MRC1: variants seen among roughly 807,000 people sequenced by gnomAD.
MRC1 encodes the protein macrophage mannose receptor 1.
A neutral mutation model predicts 102.9 loss-of-function variants in MRC1; 62 were observed. The observed-to-expected ratio is 0.60, with a 90% confidence interval of 0.49 to 0.74. The LOEUF is 0.74. MRC1 is among the 30% of genes least tolerant of loss of function. MRC1 has a pLI of 0.00. For missense variants in MRC1, 1,237 were observed against 862.8 expected (o/e 1.43, Z -5.43); for synonymous variants, 457 against 298.4 (o/e 1.53, Z -5.48).
intron 2 of MRC1, 75 bp from the exon 3 acceptor site, chr10:17,827,467 G>A: frequency 1.5e-6 from 1 of 680,952 alleles, no homozygotes; most frequent in Admixed American, 1.8e-5. Flanking sequence ...AATTCCTTCA[G>A]TAGGCTTCTT....
In MRC1 at chr10:17,873,851, T is replaced by C. The variant is rs1473820297; in HGVS notation, c.2386+26T>C. 1.7e-5 allele frequency: 15 copies of C among 871,958 alleles called. No individual in the cohort carries two copies. The Admixed American group carries it at 2.5e-4, about 15-fold the overall frequency. The allele number at this position is 871,958 out of a possible 1,614,324, so 54.0% of individuals were successfully genotyped here. A position where few individuals can be genotyped will look rare whatever the true frequency, so the allele number is the denominator to read the frequency against. On this transcript the variant is annotated intron_variant, in intron 16 of 29. Transcript: ENST00000569591. ...GTAGGTGTTTTCTTATTTTCTGATC[T>C]CTGTACTGATAACCCTTTCTCCGCC...
chr10:17,894,315 A>C lies in MRC1; in HGVS notation c.3250+3A>C, dbSNP rs1833721621. On this transcript the variant is annotated splice_donor_region_variant and intron_variant, in intron 23 of 29. Coordinates refer to ENST00000569591, the MANE Select transcript of MRC1 (RefSeq NM_002438.4). Reference sequence around the variant, plus strand: ...CTACATATGCCAGACACGATCCGGTAAGTTCTACCAAACCTTACCTTCCTG... The same window carrying C: ...CTACATATGCCAGACACGATCCGGTCAGTTCTACCAAACCTTACCTTCCTG... 1.1e-6 allele frequency: 1 copy of C among 872,166 alleles called. No homozygotes were observed. The highest frequency in any genetic ancestry group is 2.0e-6 in the Non-Finnish European group (1 of 501,354). The allele number at this position is 872,166 out of a possible 1,614,324, so 54.0% of individuals were successfully genotyped here.
At chr10:17,877,188 T>A (rs1833448260) in intron 17 of MRC1, among the ~76,000 whole-genome samples, 1 of 148,796 alleles carries the variant, frequency 6.7e-6, no homozygotes, top group South Asian at 2.1e-4. Flanking sequence ...ACACATGTTC[T>A]CCCAAGTTTG....
At chr10:17,879,517 C>G (rs1382631033) in intron 18 of MRC1, among the ~76,000 whole-genome samples, 2 of 152,152 alleles carry the variant, frequency 1.3e-5, no homozygotes, top group African/African-American at 2.4e-5. Context: ...CCATGCCTGG[C>G]TAATTTTTTT....
chr10:17,854,021 G>T (rs1326184683), intron 8 of MRC1, among the ~76,000 whole-genome samples: 3 of 152,148 alleles, frequency 2.0e-5, no homozygotes, highest in Non-Finnish European at 4.4e-5. Flanking sequence ...AGGCTGCAGT[G>T]CAGTGGTGCA....
At chr10:17,852,570 G>T (rs898127942) in intron 7 of MRC1, among the ~76,000 whole-genome samples, 1 of 152,076 alleles carries the variant, frequency 6.6e-6, no homozygotes, top group African/African-American at 2.4e-5. Context: ...ATATAAATAG[G>T]CTACCATCAA....
chr10:17,838,353 G>A (rs375459173), intron 4 of MRC1, among the ~76,000 whole-genome samples: 80,672 of 151,920 alleles, frequency 0.53, 23,971 homozygotes, highest in African/African-American at 0.82. Flanking sequence ...CTGTTTTATC[G>A]TCTTCCCTTC....
chr10:17,887,242 T>C (rs1176264147), intron 22 of MRC1, among the ~76,000 whole-genome samples: 1 of 152,006 alleles, frequency 6.6e-6, no homozygotes, highest in African/African-American at 2.4e-5. Flanking sequence ...ACAAAAAAAA[T>C]TAGCCGGGCG....
chr10:17,878,744 C>T (rs982159820), intron 18 of MRC1, among the ~76,000 whole-genome samples: 2 of 152,008 alleles, frequency 1.3e-5, no homozygotes, highest in Admixed American at 1.3e-4. Flanking sequence ...CTCACTACAG[C>T]CTCGAAATCC....
chr10:17,858,238 A>G (rs974246885), intron 9 of MRC1, among the ~76,000 whole-genome samples: 2 of 151,792 alleles, frequency 1.3e-5, no homozygotes, highest in Non-Finnish European at 2.9e-5. Context: ...AGCGGTTTAT[A>G]TATTATTTTA....
Position 17,856,277 on chromosome 10 carries a change from T to C in MRC1, c.1443T>C (p.Pro481=), listed in dbSNP as rs1833091202. ...GGGCAGATCGGGGCTGTGAGTGGCC[T>C]CTTGGCTACATCTGCAAGATGAAAT... ...GYWADRGCEW[P]LGYICKMKSR... Residue 481 remains proline (P), a synonymous_variant, in exon 9 of 30, where the codon CCT becomes CCC. Coordinates refer to ENST00000569591, the MANE Select transcript of MRC1 (RefSeq NM_002438.4). The C allele has an allele frequency of 1.2e-6, 1 of 867,156 alleles. No individual in the cohort carries two copies. Among genetic ancestry groups the C allele is most frequent in the Non-Finnish European group, 2.0e-6 (1 of 499,384 alleles). The allele number at this position is 867,156 out of a possible 1,614,324, so 53.7% of individuals were successfully genotyped here.
intron 8 of MRC1, among the ~76,000 whole-genome samples, chr10:17,855,468 G>C (rs2130651402): frequency 6.6e-6 from 1 of 151,474 alleles, no homozygotes; most frequent in Non-Finnish European, 1.5e-5. Flanking sequence ...CTACTCAGGA[G>C]GCTGAGGCAG....
chr10:17,861,566 A>G lies in MRC1; in HGVS notation c.1634+64A>G. On this transcript the variant is annotated intron_variant, in intron 10 of 29. Coordinates refer to ENST00000569591, the MANE Select transcript of MRC1 (RefSeq NM_002438.4). ...ATAGAAAAAAGTTTCAGAAAAGCCC[A>G]AGTATCAACATGCTCTAAATTTCTG... The G allele has an allele frequency of 3.9e-6, 3 of 777,464 alleles. No individual in the cohort carries two copies. The South Asian group carries it at 4.2e-5, about 11-fold the overall frequency. The allele number at this position is 777,464 out of a possible 1,614,324, so 48.2% of individuals were successfully genotyped here.
chr10:17,856,215 T>C, intron 8 of MRC1, 27 bp from the exon 9 acceptor site: 1 of 825,192 alleles, frequency 1.2e-6, no homozygotes, highest in Non-Finnish European at 2.1e-6. Context: ...AATCCTTTAT[T>C]TTTTTCTCTC....
intron 24 of MRC1, among the ~76,000 whole-genome samples, chr10:17,899,757 A>G (rs868908279): frequency 0.2 from 30,052 of 152,052 alleles, 3,250 homozygotes; most frequent in African/African-American, 0.23. Context: ...GATGTTTATC[A>G]ATATTTTGTA....
Position 17,845,428 on chromosome 10 carries a change from T to C in MRC1, c.1056T>C (p.Ile352=). The change falls in exon 6 of 30, where the codon ATT becomes ATC. Residue 352 remains isoleucine (I), a synonymous_variant. Coordinates refer to ENST00000569591, the MANE Select transcript of MRC1 (RefSeq NM_002438.4). ...ACACCACTTTAAATTCTTTTGTTAT[T>C]CCCTCAGGTAAGTGATCTATGGGAT... is the stretch of plus-strand genomic sequence containing the variant. ...KGNTTLNSFV[I]PSESDVPTHC... The C allele has an allele frequency of 1.3e-6, 1 of 780,868 alleles. No homozygotes were observed. Among genetic ancestry groups the C allele is most frequent in the Non-Finnish European group, 2.4e-6 (1 of 417,964 alleles). 48.4% of individuals were successfully genotyped at this position (780,868 alleles called of 1,614,324 possible). A position where few individuals can be genotyped will look rare whatever the true frequency, so the allele number is the denominator to read the frequency against.
chr10:17,828,689 A>G (rs1223480181), intron 3 of MRC1, among the ~76,000 whole-genome samples: 1 of 151,600 alleles, frequency 6.6e-6, no homozygotes, highest in Non-Finnish European at 1.5e-5. Context: ...TCACACAGCT[A>G]GAAATCAATG....
At position 17,910,536 on chromosome 10, in the gene MRC1, T is replaced by C. The variant is rs1833955313; in HGVS notation, c.*71T>C. ...CTGAAATTTAAAATTTTTAGTTCAA[T>C]GTGATTGTTTTCTTTAAAATGAGTA... is the stretch of plus-strand genomic sequence containing the variant. On this transcript the variant is annotated 3_prime_UTR_variant, in exon 30 of 30. Coordinates refer to ENST00000569591, the MANE Select transcript of MRC1 (RefSeq NM_002438.4). 6.4e-6 allele frequency: 5 copies of C among 779,572 alleles called. No homozygotes were observed. Among genetic ancestry groups the C allele is most frequent in the East Asian group, 4.8e-5 (2 of 41,246 alleles). The allele number at this position is 779,572 out of a possible 1,614,324, so 48.3% of individuals were successfully genotyped here. A position where few individuals can be genotyped will look rare whatever the true frequency, so the allele number is the denominator to read the frequency against.
At chr10:17,848,100 G>C (rs1277698897) in intron 6 of MRC1, among the ~76,000 whole-genome samples, 2 of 152,054 alleles carry the variant, frequency 1.3e-5, no homozygotes, top group Admixed American at 6.6e-5. Context: ...TGATGTTTCA[G>C]ATACTCTCCA....
Sources: gnomAD v4.1 joint callset for allele counts (sites outside exome capture counted in the v4.1 genomes callset) on GRCh38, gnomAD v4.1.1 for gene constraint, MANE v1.5 for transcripts, NCBI Gene and HGNC (gene_info 2026-07-23, HGNC 2026-07-21) for gene names.